The following UNC80 variants were observed in gnomAD, a reference collection of about 807,000 sequenced individuals.
UNC80 encodes the protein unc-80 subunit of NALCN channel complex, also known as protein unc-80 homolog.
UNC80 carries 164 observed loss-of-function variants against 384.6 expected under a neutral mutation model. The observed-to-expected ratio is 0.43, with a 90% CI of 0.38 to 0.49. The LOEUF (loss-of-function observed/expected upper bound fraction) is 0.49, where lower values mean the gene tolerates loss of function less well. UNC80 is among the 20% of genes least tolerant of loss of function. The pLI, the probability that UNC80 is intolerant of heterozygous loss-of-function variation, is 0.00. For synonymous variants in UNC80, 1,486 were observed against 1,527.8 expected (o/e 0.97, Z 0.64); for missense variants, 3,330 against 4,143.0 (o/e 0.80, Z 5.39).
At chr2:209,966,477 AAAATT>A (rs1453091763) in intron 51 of UNC80, among the ~76,000 whole-genome samples, 1 of 152,244 alleles carries the variant, frequency 6.6e-6, no homozygotes, top group African/African-American at 2.4e-5. Context: ...TCCTTCATAC[AAAATT>A]AAATTAAGTT....
At chr2:209,832,223 TG>T (rs1020027683) in intron 16 of UNC80, among the ~76,000 whole-genome samples, 36 of 152,154 alleles carry the variant, frequency 2.4e-4, no homozygotes, top group Admixed American at 2.0e-3. Flanking sequence ...GCTTGGGGGA[TG>T]GGTGCACTAA....
intron 7 of UNC80, chr2:209,809,249 A>G: frequency 1.4e-6 from 1 of 718,082 alleles, no homozygotes; most frequent in Non-Finnish European, 2.6e-6. Flanking sequence ...AAAGCCTTCA[A>G]CTGCCAATAC....
At chr2:209,782,367 T>C (rs1268841548) in intron 4 of UNC80, among the ~76,000 whole-genome samples, 1 of 152,192 alleles carries the variant, frequency 6.6e-6, no homozygotes, top group Non-Finnish European at 1.5e-5. Context: ...ATGTTGTTCT[T>C]GCTGACCGGA....
intron 60 of UNC80, among the ~76,000 whole-genome samples, chr2:209,984,436 A>G (rs1207875226): frequency 6.6e-6 from 1 of 152,204 alleles, no homozygotes; most frequent in Non-Finnish European, 1.5e-5. Flanking sequence ...AATGCACAAG[A>G]AAGAAGCAGG....
intron 21 of UNC80, among the ~76,000 whole-genome samples, chr2:209,844,481 TTCCTTCC>T (rs1559185943): frequency 0.019 from 1,209 of 62,384 alleles, 26 homozygotes; most frequent in African/African-American, 0.035. Context: ...CTTTCTTTCC[TTCCTTCC>T]TTCCTTCCTT....
intron 54 of UNC80, among the ~76,000 whole-genome samples, chr2:209,971,858 A>G (rs771138742): frequency 6.6e-6 from 1 of 152,180 alleles, no homozygotes; most frequent in Non-Finnish European, 1.5e-5. Flanking sequence ...AGAAGTTCTG[A>G]TTTTCTTCCT....
At chr2:209,840,267 T>TA (rs915590907) in intron 19 of UNC80, among the ~76,000 whole-genome samples, 1 of 152,134 alleles carries the variant, frequency 6.6e-6, no homozygotes, top group Non-Finnish European at 1.5e-5. Context: ...ATTTAAGAGG[T>TA]AAAATTCACA....
At chr2:209,983,848 T>C (rs1425662102) in intron 60 of UNC80, among the ~76,000 whole-genome samples, 1 of 152,156 alleles carries the variant, frequency 6.6e-6, no homozygotes, top group South Asian at 2.1e-4. Flanking sequence ...AAAAATAATA[T>C]AGTTAAATAG....
chr2:209,780,048 A>G (rs2077069719), intron 4 of UNC80, among the ~76,000 whole-genome samples: 1 of 152,246 alleles, frequency 6.6e-6, no homozygotes, highest in Non-Finnish European at 1.5e-5. Flanking sequence ...TAAACAAGTT[A>G]TAGTATTCAA....
intron 17 of UNC80, 83 bp from the exon 18 acceptor site, chr2:209,834,829 G>C (rs1352095611): frequency 8.8e-7 from 1 of 1,139,788 alleles, no homozygotes; most frequent in African/African-American, 1.5e-5. Flanking sequence ...CTACAACAGA[G>C]TGTTTTGTTT....
chr2:209,944,707 G>C (rs1214230616), intron 45 of UNC80, among the ~76,000 whole-genome samples: 1 of 152,126 alleles, frequency 6.6e-6, no homozygotes, highest in Non-Finnish European at 1.5e-5. Flanking sequence ...AAACATATTT[G>C]TAGTATTCAA....
At chr2:209,986,693 A>G (rs1482643654) in intron 61 of UNC80, among the ~76,000 whole-genome samples, 1 of 152,122 alleles carries the variant, frequency 6.6e-6, no homozygotes, top group Non-Finnish European at 1.5e-5. Flanking sequence ...TGTGGTCATT[A>G]AGAAATGGGA....
At chr2:209,890,491 G>A (rs181436987) in intron 26 of UNC80, among the ~76,000 whole-genome samples, 1 of 152,266 alleles carries the variant, frequency 6.6e-6, no homozygotes, top group African/African-American at 2.4e-5. Flanking sequence ...TTTTCACACA[G>A]ACAAGCAATA....
intron 51 of UNC80, among the ~76,000 whole-genome samples, chr2:209,966,824 A>C (rs2092754717): frequency 6.6e-6 from 1 of 152,176 alleles, no homozygotes; most frequent in Non-Finnish European, 1.5e-5. Flanking sequence ...GAAGAATCTC[A>C]ACAGAGAGAA....
intron 13 of UNC80, among the ~76,000 whole-genome samples, chr2:209,821,326 C>A (rs2080120631): frequency 6.6e-6 from 1 of 152,174 alleles, no homozygotes; most frequent in South Asian, 2.1e-4. Flanking sequence ...CCTCACTTAA[C>A]CCTAATTACC....
rs763637660 is a variant in UNC80, at chr2:209,978,606, C to T, written c.9016C>T (p.Arg3006Cys). The T allele has an allele frequency of 8.4e-6, 13 of 1,551,528 alleles. No individual in the cohort carries two copies. Among genetic ancestry groups the T allele is most frequent in the South Asian group, 2.4e-5 (2 of 84,044 alleles). Reference protein sequence around the residue: ...AYRLSLATMSRSNTGTGTVWE... With the variant: ...AYRLSLATMSCSNTGTGTVWE... ...CCGCCTGAGCTTGGCCACCATGTCCCGCTCTAACACGGGCACGGGCACTGT... is the reference window on the plus strand; with the variant it reads ...CCGCCTGAGCTTGGCCACCATGTCCTGCTCTAACACGGGCACGGGCACTGT... The change falls in exon 59 of 65, where the codon CGC (arginine) becomes TGC (cysteine). Residue 3006 changes from arginine to cysteine, a missense_variant. Arg to Cys is a radical substitution (Grantham distance 180, BLOSUM62 -3). This residue lies in a region of UNC80 where 216 missense variants were observed against 245.3 expected (regional missense o/e 0.88). Coordinates refer to ENST00000673920, the MANE Select transcript of UNC80 (RefSeq NM_001371986.1).
rs2093517205 is a variant in UNC80, at chr2:209,998,681, A to G, written c.*3086A>G. 1.3e-5 allele frequency: 2 copies of G among 152,220 alleles called. No homozygotes were observed. Among genetic ancestry groups the G allele is most frequent in the African/African-American group, 4.8e-5 (2 of 41,448 alleles). 9.4% of individuals were successfully genotyped at this position (152,220 alleles called of 1,614,324 possible). ...GTGTGTGGAGGGGCTTTTAGGGAAG[A>G]AAGGGTCATAAATGAATAGAAGTAC... On this transcript the variant is annotated 3_prime_UTR_variant, in exon 65 of 65. Transcript: ENST00000673920.
intron 28 of UNC80, among the ~76,000 whole-genome samples, chr2:209,903,320 ATGTGTGTG>A (rs34002751): frequency 9.5e-6 from 1 of 105,760 alleles, no homozygotes; most frequent in African/African-American, 3.6e-5. Flanking sequence ...ATTATATTAT[ATGTGTGTG>A]TGTGTGTGTG....
intron 26 of UNC80, 97 bp downstream of exon 26, chr2:209,888,357 T>G: frequency 3.9e-6 from 5 of 1,293,254 alleles, no homozygotes; most frequent in Non-Finnish European, 4.3e-6. Context: ...GTACCCAAAT[T>G]GTTGACTTCC....
Sources: allele counts gnomAD v4.1 joint callset (sites outside exome capture counted in the v4.1 genomes callset), GRCh38; gene constraint gnomAD v4.1.1; regional missense constraint gnomAD v4.1.1; transcripts MANE v1.5; gene names NCBI Gene and HGNC (gene_info 2026-07-23, HGNC 2026-07-21).